Variants in FBXL7 observed in about 807,000 individuals in gnomAD.
FBXL7 encodes the protein F-box and leucine rich repeat protein 7.
Under a neutral mutation model 38.3 loss-of-function variants are expected in FBXL7, and 12 were observed. The ratio of observed to expected loss-of-function variants is 0.31; its 90% CI spans 0.20 to 0.51. The LOEUF is 0.51. FBXL7 is among the 20% of genes least tolerant of loss of function. The pLI is 0.98. For synonymous variants in FBXL7, 297 were observed against 300.9 expected (o/e 0.99, Z 0.13); for missense variants, 567 against 676.4 (o/e 0.84, Z 1.79).
chr5:15,552,260 ATCCTCTGG>A (rs1283860800), intron 1 of FBXL7, among the ~76,000 whole-genome samples: 1 of 152,150 alleles, frequency 6.6e-6, no homozygotes, highest in African/African-American at 2.4e-5. Context: ...AAATACTTTT[ATCCTCTGG>A]TCCATGACAC....
chr5:15,686,352 A>G (rs1012068364), intron 2 of FBXL7, among the ~76,000 whole-genome samples: 7 of 152,312 alleles, frequency 4.6e-5, no homozygotes, highest in Middle Eastern at 6.8e-3. Context: ...CATTTGGTAG[A>G]GCACATTCCT....
chr5:15,914,434 G>A (rs973529347), intron 2 of FBXL7, among the ~76,000 whole-genome samples: 10 of 149,946 alleles, frequency 6.7e-5, no homozygotes, highest in Non-Finnish European at 1.3e-4. Context: ...GATAATCTAT[G>A]ATAGCAGGTA....
chr5:15,569,908 G>A (rs1738717018), intron 1 of FBXL7, among the ~76,000 whole-genome samples: 1 of 152,178 alleles, frequency 6.6e-6, no homozygotes, highest in Non-Finnish European at 1.5e-5. Flanking sequence ...ATTTGCATAT[G>A]TTGAACCAGC....
intron 2 of FBXL7, among the ~76,000 whole-genome samples, chr5:15,864,724 C>T (rs563632272): frequency 3.5e-4 from 53 of 152,140 alleles, no homozygotes; most frequent in Non-Finnish European, 6.5e-4. Flanking sequence ...TTTGTTAATG[C>T]TGAAATGTAG....
chr5:15,600,148 C>A (rs181632387), intron 1 of FBXL7, among the ~76,000 whole-genome samples: 35 of 152,274 alleles, frequency 2.3e-4, no homozygotes, highest in African/African-American at 7.7e-4. Context: ...CATCTGTTGT[C>A]AAAAGGTGAA....
chr5:15,846,219 T>C (rs1230041657), intron 2 of FBXL7, among the ~76,000 whole-genome samples: 2 of 152,248 alleles, frequency 1.3e-5, no homozygotes, highest in East Asian at 3.8e-4. Flanking sequence ...GAGTTCTTCT[T>C]TCCATATCCA....
chr5:15,696,459 G>GT (rs1049020069), intron 2 of FBXL7, among the ~76,000 whole-genome samples: 2 of 152,004 alleles, frequency 1.3e-5, no homozygotes, highest in Admixed American at 1.3e-4. Flanking sequence ...ATTTTTTAAT[G>GT]TCTTCTTGTG....
chr5:15,866,248 G>A (rs1739704427), intron 2 of FBXL7, among the ~76,000 whole-genome samples: 1 of 152,196 alleles, frequency 6.6e-6, no homozygotes, highest in Non-Finnish European at 1.5e-5. Flanking sequence ...TGTAGACACA[G>A]GAATGAGCCT....
intron 2 of FBXL7, among the ~76,000 whole-genome samples, chr5:15,890,074 C>T (rs1001165090): frequency 2.6e-5 from 4 of 152,128 alleles, no homozygotes; most frequent in African/African-American, 7.2e-5. Context: ...AGAACATTAA[C>T]AGAGCTCAAC....
At chr5:15,890,591 A>G (rs757021155) in intron 2 of FBXL7, among the ~76,000 whole-genome samples, 5 of 152,134 alleles carry the variant, frequency 3.3e-5, no homozygotes, top group Non-Finnish European at 7.3e-5. Context: ...TGCGCATGCA[A>G]CGGACCTAGG....
intron 2 of FBXL7, among the ~76,000 whole-genome samples, chr5:15,731,230 T>C (rs1037933576): frequency 5.9e-5 from 9 of 152,152 alleles, no homozygotes; most frequent in African/African-American, 2.2e-4. Flanking sequence ...TACCCAAGAC[T>C]GGGCAATTTA....
intron 2 of FBXL7, among the ~76,000 whole-genome samples, chr5:15,842,815 TGA>T (rs1215640838): frequency 6.6e-6 from 1 of 152,220 alleles, no homozygotes; most frequent in Admixed American, 6.5e-5. Context: ...ACCATGATTG[TGA>T]GGCCTCCCAG....
chr5:15,613,667 T>C (rs369972861), intron 1 of FBXL7, among the ~76,000 whole-genome samples: 3 of 152,316 alleles, frequency 2.0e-5, no homozygotes, highest in East Asian at 1.9e-4. Flanking sequence ...TCAGCCTGTA[T>C]TGTTCGGTGA....
chr5:15,869,626 T>A (rs1739865919), intron 2 of FBXL7, among the ~76,000 whole-genome samples: 1 of 152,184 alleles, frequency 6.6e-6, no homozygotes, highest in African/African-American at 2.4e-5. Flanking sequence ...ATAGAGATTT[T>A]TATATGTTTT....
intron 2 of FBXL7, among the ~76,000 whole-genome samples, chr5:15,768,539 A>G (rs1029703498): frequency 2.0e-5 from 3 of 152,106 alleles, no homozygotes; most frequent in Admixed American, 6.5e-5. Context: ...TCAAAAAAAA[A>G]AAAGAAAAAA....
intron 2 of FBXL7, among the ~76,000 whole-genome samples, chr5:15,772,557 C>A (rs1736755165): frequency 6.6e-6 from 1 of 152,126 alleles, no homozygotes; most frequent in Non-Finnish European, 1.5e-5. Context: ...CCTGGTGCAG[C>A]CACAGAAGCT....
At chr5:15,869,119 T>C (rs982163245) in intron 2 of FBXL7, among the ~76,000 whole-genome samples, 2 of 152,148 alleles carry the variant, frequency 1.3e-5, no homozygotes, top group African/African-American at 4.8e-5. Context: ...CACATAAGCT[T>C]CTCATTAAAA....
chr5:15,831,205 G>C (rs902573169), intron 2 of FBXL7, among the ~76,000 whole-genome samples: 4 of 152,176 alleles, frequency 2.6e-5, no homozygotes, highest in Admixed American at 1.3e-4. Context: ...AGCTTGTGAA[G>C]GGAATTTGCG....
At chr5:15,707,174 GTTTTTTTTTTTT>G (rs71603796) in intron 2 of FBXL7, among the ~76,000 whole-genome samples, 1 of 70,392 alleles carries the variant, frequency 1.4e-5, no homozygotes, top group African/African-American at 5.8e-5. Flanking sequence ...TTTTCTTTTC[GTTTTTTTTTTTT>G]TTTTTTTTTT....
Sources: gnomAD v4.1 joint callset for allele counts (sites outside exome capture counted in the v4.1 genomes callset) on GRCh38, gnomAD v4.1.1 for gene constraint, MANE v1.5 for transcripts, NCBI Gene and HGNC (gene_info 2026-07-23, HGNC 2026-07-21) for gene names.